The following PHF20 variants were observed in gnomAD, a reference collection of about 807,000 sequenced individuals.
PHF20 encodes the protein glioma-expressed antigen 2.
In PHF20, 23 loss-of-function variants were observed where a neutral mutation model predicts 113.5. The observed-to-expected ratio is 0.20, with a 90% CI of 0.15 to 0.29. The LOEUF (loss-of-function observed/expected upper bound fraction) is 0.29, where lower values mean the gene tolerates loss of function less well. Among genes scored for constraint, PHF20 ranks in the 10% least tolerant of loss-of-function variants. The pLI, the probability that PHF20 is intolerant of heterozygous loss-of-function variation, is 1.00. For synonymous variants in PHF20, 434 were observed against 457.3 expected (o/e 0.95, Z 0.65); for missense variants, 943 against 1,219.6 (o/e 0.77, Z 3.38).
chr20:35,923,503 T>C (rs80248650), intron 13 of PHF20, among the ~76,000 whole-genome samples: 1 of 152,192 alleles, frequency 6.6e-6, no homozygotes, highest in Admixed American at 6.5e-5. Flanking sequence ...AAGTTTTGGT[T>C]ATTTTAAAAT....
At chr20:35,792,577 T>A (rs1158197767) in intron 1 of PHF20, among the ~76,000 whole-genome samples, 2 of 152,046 alleles carry the variant, frequency 1.3e-5, no homozygotes, top group Admixed American at 6.6e-5. Context: ...CCTCCTTCCC[T>A]ACCTTGTCAA....
chr20:35,800,757 A>G (rs562862866), intron 1 of PHF20, among the ~76,000 whole-genome samples: 1 of 152,292 alleles, frequency 6.6e-6, no homozygotes, highest in East Asian at 1.9e-4. Context: ...GTAAAAGAGT[A>G]TGACTCTGTC....
At chr20:35,933,482 T>C (rs2055803660) in intron 15 of PHF20, among the ~76,000 whole-genome samples, 1 of 151,958 alleles carries the variant, frequency 6.6e-6, no homozygotes, top group Non-Finnish European at 1.5e-5. Context: ...CTGCAAGCTC[T>C]GCCTCCTGGG....
chr20:35,779,525 C>CTTT (rs11167277), intron 1 of PHF20, among the ~76,000 whole-genome samples: 2 of 138,102 alleles, frequency 1.4e-5, no homozygotes, highest in Non-Finnish European at 1.6e-5. Flanking sequence ...TCCTTTCTTT[C>CTTT]TTTTTTTTTT....
At chr20:35,817,108 T>G (rs902112185) in intron 2 of PHF20, among the ~76,000 whole-genome samples, 22 of 151,392 alleles carry the variant, frequency 1.5e-4, no homozygotes, top group East Asian at 7.9e-4. Context: ...TGTTGTTGTT[T>G]TTTTTTAATC....
chr20:35,823,367 A>G (rs540737859), intron 2 of PHF20, among the ~76,000 whole-genome samples: 1 of 151,004 alleles, frequency 6.6e-6, no homozygotes, highest in African/African-American at 2.4e-5. Flanking sequence ...TTGGGAGGAC[A>G]ACGTGGGAGG....
chr20:35,918,873 G>C (rs1323476521), intron 13 of PHF20, among the ~76,000 whole-genome samples: 2 of 152,156 alleles, frequency 1.3e-5, no homozygotes, highest in African/African-American at 4.8e-5. Context: ...CCAGTAAAGG[G>C]GGTGGCTGCC....
chr20:35,938,575 AGT>A, intron 15 of PHF20, 120 bp from the exon 16 acceptor site: 1 of 887,414 alleles, frequency 1.1e-6, no homozygotes, highest in Non-Finnish European at 1.8e-6. Context: ...AGCAAATGGT[AGT>A]GTGTGGTCAG....
At chr20:35,843,416 G>T (rs1315596134) in intron 3 of PHF20, among the ~76,000 whole-genome samples, 1 of 150,910 alleles carries the variant, frequency 6.6e-6, no homozygotes, top group Middle Eastern at 3.2e-3. Flanking sequence ...CTACTCGGGA[G>T]GCTGAGGCAG....
At chr20:35,846,860 A>G (rs1481150299) in intron 3 of PHF20, among the ~76,000 whole-genome samples, 6 of 152,180 alleles carry the variant, frequency 3.9e-5, no homozygotes, top group African/African-American at 1.2e-4. Flanking sequence ...TTAGCTCACA[A>G]TTCTGCAGGC....
intron 2 of PHF20, among the ~76,000 whole-genome samples, chr20:35,832,609 A>C (rs571333007): frequency 2.0e-5 from 3 of 152,208 alleles, no homozygotes; most frequent in Non-Finnish European, 2.9e-5. Context: ...TTGCCTGGGA[A>C]GAGTGGGCAG....
In PHF20 at chr20:35,805,536, C is replaced by A. The variant is rs59294666; in HGVS notation, c.83+3931C>A. On this transcript the variant is annotated intron_variant, in intron 2 of 17. Transcript: ENST00000374012. ...TAATTTTTTGTAATTTTAGTAGAGACGGGGTTTCACTGTGTTAGCCAAGAT... is the reference window on the plus strand; with the variant it reads ...TAATTTTTTGTAATTTTAGTAGAGAAGGGGTTTCACTGTGTTAGCCAAGAT... Among the ~76,000 whole-genome samples the A allele has an allele frequency of 3.3e-5, 5 of 151,806 alleles. No individual in the cohort carries two copies. In the East Asian group the frequency reaches 9.7e-4, roughly 29 times the overall value.
chr20:35,842,780 A>G (rs1281138478), intron 3 of PHF20, 36 bp downstream of exon 3: 19 of 1,586,400 alleles, frequency 1.2e-5, no homozygotes, highest in South Asian at 2.3e-5. Flanking sequence ...GTAGTATGCA[A>G]GGTCAGCCAT....
intron 2 of PHF20, among the ~76,000 whole-genome samples, chr20:35,824,260 T>C (rs1568614450): frequency 6.6e-6 from 1 of 151,180 alleles, no homozygotes; most frequent in Non-Finnish European, 1.5e-5. Flanking sequence ...TTTTCTCTCC[T>C]TTTTTTTTAA....
chr20:35,803,270 AAAAAG>A (rs2041818009), intron 2 of PHF20, among the ~76,000 whole-genome samples: 1 of 151,474 alleles, frequency 6.6e-6, no homozygotes, highest in African/African-American at 2.4e-5. Context: ...AAAAAAAAGA[AAAAAG>A]AAAAAATAAT....
At chr20:35,887,970 G>A (rs2054768998) in intron 9 of PHF20, among the ~76,000 whole-genome samples, 1 of 151,498 alleles carries the variant, frequency 6.6e-6, no homozygotes, top group South Asian at 2.1e-4. Context: ...ACACTGCTTA[G>A]GGTTACCTTT....
chr20:35,851,898 C>T (rs1176008595), intron 4 of PHF20, among the ~76,000 whole-genome samples: 3 of 150,598 alleles, frequency 2.0e-5, no homozygotes, highest in Admixed American at 1.3e-4. Context: ...GCCTGGGTGA[C>T]AGAGCGAGAC....
At chr20:35,844,370 G>A (rs1471533099) in intron 3 of PHF20, among the ~76,000 whole-genome samples, 1 of 150,848 alleles carries the variant, frequency 6.6e-6, no homozygotes, top group African/African-American at 2.4e-5. Context: ...TCAAAGTCCT[G>A]GCATTACAGG....
At chr20:35,808,805 C>T (rs1000580184) in intron 2 of PHF20, among the ~76,000 whole-genome samples, 2 of 151,686 alleles carry the variant, frequency 1.3e-5, no homozygotes, top group African/African-American at 2.4e-5. Context: ...ATCTCCTGAC[C>T]TCGTGATCTG....
Sources: allele counts gnomAD v4.1 joint callset (sites outside exome capture counted in the v4.1 genomes callset), GRCh38; gene constraint gnomAD v4.1.1; transcripts MANE v1.5; gene names NCBI Gene and HGNC (gene_info 2026-07-23, HGNC 2026-07-21).